Variants in LRP1B observed in about 807,000 individuals in gnomAD.
LRP1B encodes low-density lipoprotein receptor-related protein 1B.
A neutral mutation model predicts 556.6 loss-of-function variants in LRP1B; 217 were observed. The observed-to-expected ratio is 0.39, with a 90% CI of 0.35 to 0.44. The LOEUF is 0.44. Among genes scored for constraint, LRP1B ranks in the 20% least tolerant of loss-of-function variants. The pLI, the probability that LRP1B is intolerant of heterozygous loss-of-function variation, is 1.00. For synonymous variants in LRP1B, 2,047 were observed against 1,865.8 expected (o/e 1.10, Z -2.50); for missense variants, 5,053 against 5,620.8 (o/e 0.90, Z 3.23).
In LRP1B at chr2:141,015,744, G is replaced by A. The variant is rs1211124170; in HGVS notation, c.2142C>T (p.Ala714=). The A allele has an allele frequency of 6.2e-7, 1 of 1,613,112 alleles. No homozygotes were observed. Among genetic ancestry groups the A allele is most frequent in the African/African-American group, 1.3e-5 (1 of 74,850 alleles). The change falls in exon 13 of 91, where the codon GCC becomes GCT. Residue 714 remains alanine, a synonymous_variant. Coordinates refer to ENST00000389484, the MANE Select transcript of LRP1B (RefSeq NM_018557.3). ...FHTNTLYWCD[A]YYDHIEKVFL... ...ATACTTTTTCAATATGATCGTAATA[G>A]GCATCACACCAGTATAATGTGTTGG...
intron 3 of LRP1B, among the ~76,000 whole-genome samples, chr2:141,446,103 T>C (rs1451063160): frequency 6.6e-6 from 1 of 152,226 alleles, no homozygotes; most frequent in Non-Finnish European, 1.5e-5. Flanking sequence ...TGGGTGCTCC[T>C]GTATTGTGTG....
At chr2:141,530,170 A>G (rs1684821933) in intron 2 of LRP1B, among the ~76,000 whole-genome samples, 2 of 152,114 alleles carry the variant, frequency 1.3e-5, no homozygotes, top group South Asian at 2.1e-4. Flanking sequence ...AGAAAGCACT[A>G]TTTTATAAGT....
At chr2:141,269,872 T>TA in intron 3 of LRP1B, among the ~76,000 whole-genome samples, 1 of 152,194 alleles carries the variant, frequency 6.6e-6, no homozygotes, top group East Asian at 1.9e-4. Context: ...TAAATACATT[T>TA]AAAAAACTTT....
intron 37 of LRP1B, among the ~76,000 whole-genome samples, chr2:140,707,278 A>G (rs993468936): frequency 1.3e-5 from 2 of 152,296 alleles, no homozygotes; most frequent in African/African-American, 4.8e-5. Context: ...TGGCACAGAA[A>G]TGAAGATCAG....
intron 2 of LRP1B, among the ~76,000 whole-genome samples, chr2:141,721,471 T>C (rs1469270346): frequency 1.3e-5 from 2 of 152,150 alleles, no homozygotes; most frequent in Admixed American, 6.5e-5. Context: ...TTAGGTTTTT[T>C]TGTACTCTAC....
intron 51 of LRP1B, 149 bp from the exon 52 acceptor site, chr2:140,510,205 C>T: frequency 1.3e-6 from 1 of 767,788 alleles, no homozygotes; most frequent in Non-Finnish European, 2.1e-6. Flanking sequence ...AAACATCATT[C>T]TTCCCCTGTA....
Position 140,267,156 on chromosome 2 carries a change from A to G in LRP1B, c.13247+3086T>C, listed in dbSNP as rs111993119. 1.2e-4 allele frequency among the ~76,000 whole-genome samples: 19 copies of G among 152,190 alleles called. 2 individuals carry two copies. Among genetic ancestry groups the G allele is most frequent in the African/African-American group, 3.8e-4 (16 of 41,560 alleles). On this transcript the variant is annotated intron_variant, in intron 86 of 90. Coordinates refer to ENST00000389484, the MANE Select transcript of LRP1B (RefSeq NM_018557.3). The stretch of plus-strand genomic sequence containing the variant: ...GGGTTTAACACAGTAAGTGGTACAG[A>G]GTATTTATTAGGTCAGTTTTAGCTG...
intron 3 of LRP1B, among the ~76,000 whole-genome samples, chr2:141,356,312 A>G (rs550445851): frequency 6.6e-6 from 1 of 152,272 alleles, no homozygotes; most frequent in South Asian, 2.1e-4. Flanking sequence ...AAGCCCTGAT[A>G]GTTTGTATTC....
chr2:140,499,803 A>C (rs1689103262), intron 55 of LRP1B, among the ~76,000 whole-genome samples: 1 of 152,002 alleles, frequency 6.6e-6, no homozygotes, highest in African/African-American at 2.4e-5. Context: ...CTATAGGAAC[A>C]CCACTGTATA....
chr2:141,355,619 A>T (rs1688600168), intron 3 of LRP1B, among the ~76,000 whole-genome samples: 1 of 152,152 alleles, frequency 6.6e-6, no homozygotes, highest in Admixed American at 6.5e-5. Flanking sequence ...ACCAACTTCA[A>T]TTTAAGTTTG....
intron 66 of LRP1B, among the ~76,000 whole-genome samples, chr2:140,436,713 T>A (rs1437063237): frequency 2.0e-5 from 3 of 150,402 alleles, no homozygotes; most frequent in African/African-American, 7.4e-5. Flanking sequence ...GGTAGAAAAA[T>A]GTAAAGTTCC....
In LRP1B at chr2:140,437,380, GCACACCCGCTTCATT is replaced by G. The variant is rs1281204785; in HGVS notation, c.10414+5109_10414+5123del. ...CCAGCAGCTCCCTCAACACCTCCCA[GCACACCCGCTTCATT>G]CACAAGTCACAGCCACACAGGATAG... On this transcript the variant is annotated intron_variant, in intron 66 of 90. Coordinates refer to ENST00000389484, the MANE Select transcript of LRP1B (RefSeq NM_018557.3). Among the ~76,000 whole-genome samples the G allele has an allele frequency of 5.9e-5, 9 of 152,264 alleles. No homozygotes were observed. The East Asian group carries it at 1.3e-3, about 23-fold the overall frequency.
chr2:140,700,653 T>A (rs1275520475), intron 40 of LRP1B, 32 bp from the exon 41 acceptor site: 1 of 1,586,758 alleles, frequency 6.3e-7, no homozygotes, highest in South Asian at 1.2e-5. Flanking sequence ...CACATGCACA[T>A]GTTTATGTTT....
At chr2:141,191,939 G>C (rs781363972) in intron 6 of LRP1B, among the ~76,000 whole-genome samples, 1 of 151,806 alleles carries the variant, frequency 6.6e-6, no homozygotes, top group African/African-American at 2.4e-5. Flanking sequence ...TGTAATTTCA[G>C]ACAAAAGAGC....
At chr2:140,370,650 G>T (rs1682953164) in intron 71 of LRP1B, 60 bp downstream of exon 71, 14 of 1,594,536 alleles carry the variant, frequency 8.8e-6, no homozygotes, top group Non-Finnish European at 1.1e-5. Flanking sequence ...TGTATATTCT[G>T]CACAGAACCT....
At chr2:141,691,164 T>C (rs1691514145) in intron 2 of LRP1B, among the ~76,000 whole-genome samples, 2 of 151,976 alleles carry the variant, frequency 1.3e-5, no homozygotes, top group African/African-American at 2.4e-5. Flanking sequence ...ACCTAATAGA[T>C]GGCCTGAGCA....
At chr2:141,483,084 G>A (rs969005067) in intron 2 of LRP1B, among the ~76,000 whole-genome samples, 1 of 151,380 alleles carries the variant, frequency 6.6e-6, no homozygotes, top group African/African-American at 2.4e-5. Context: ...TTTAGCATTA[G>A]GTGTATCTCC....
intron 2 of LRP1B, among the ~76,000 whole-genome samples, chr2:141,517,500 A>G (rs1409697883): frequency 6.6e-6 from 1 of 152,218 alleles, no homozygotes; most frequent in Admixed American, 6.5e-5. Flanking sequence ...GGAATATTCT[A>G]CATGCAATAC....
chr2:140,438,880 G>T (rs886109574), intron 66 of LRP1B, among the ~76,000 whole-genome samples: 1 of 152,134 alleles, frequency 6.6e-6, no homozygotes, highest in Admixed American at 6.5e-5. Context: ...CAGAGCAAAG[G>T]TGGGGGCTAG....
Sources: gnomAD v4.1 joint callset for allele counts (sites outside exome capture counted in the v4.1 genomes callset) on GRCh38, gnomAD v4.1.1 for gene constraint, MANE v1.5 for transcripts, NCBI Gene and HGNC (gene_info 2026-07-23, HGNC 2026-07-21) for gene names.